Variants in RAB3GAP2 observed in about 807,000 individuals in gnomAD.
The protein encoded by RAB3GAP2 is RAB3 GTPase activating non-catalytic protein subunit 2, also known as rab3 GTPase-activating protein non-catalytic subunit.
Under a neutral mutation model 185.3 loss-of-function variants are expected in RAB3GAP2, and 87 were observed. That is an observed-to-expected ratio of 0.47 (90% CI 0.39 to 0.56). The LOEUF (loss-of-function observed/expected upper bound fraction) is 0.56. Ranked by LOEUF, RAB3GAP2 falls within the 20% of genes least tolerant of loss-of-function variation. The pLI, the probability that RAB3GAP2 is intolerant of heterozygous loss-of-function variation, is 0.00. For synonymous variants in RAB3GAP2, 554 were observed against 576.1 expected (o/e 0.96, Z 0.55); for missense variants, 1,492 against 1,638.2 (o/e 0.91, Z 1.54).
chr1:220,262,134 A>T (rs1220605373), intron 1 of RAB3GAP2, among the ~76,000 whole-genome samples: 6 of 42,580 alleles, frequency 1.4e-4, no homozygotes, highest in Non-Finnish European at 2.2e-4. Context: ...CTAAAAATAC[A>T]AAAAAAAAAA....
At chr1:220,151,864 G>A (rs780260637) in intron 33 of RAB3GAP2, 100 bp from the exon 34 acceptor site, 132 of 1,251,252 alleles carry the variant, frequency 1.1e-4, no homozygotes, top group Non-Finnish European at 1.4e-4. Context: ...GTTGATTTTT[G>A]AACTGTGGCC....
chr1:220,203,102 G>A (rs1280707903), intron 8 of RAB3GAP2, among the ~76,000 whole-genome samples: 1 of 152,182 alleles, frequency 6.6e-6, no homozygotes, highest in East Asian at 1.9e-4. Context: ...ACTTGGCAGA[G>A]CACACACACA....
At chr1:220,236,236 G>C (rs1659589177) in intron 1 of RAB3GAP2, among the ~76,000 whole-genome samples, 1 of 151,986 alleles carries the variant, frequency 6.6e-6, no homozygotes, top group Admixed American at 6.6e-5. Flanking sequence ...GAGTGCAGTG[G>C]TGCCATCTCG....
chr1:220,229,355 A>G (rs1659457945), intron 2 of RAB3GAP2, among the ~76,000 whole-genome samples: 1 of 152,208 alleles, frequency 6.6e-6, no homozygotes, highest in African/African-American at 2.4e-5. Flanking sequence ...AAATCAGATA[A>G]TGTGGTTTCT....
chr1:220,225,431 A>G (rs755515746), intron 2 of RAB3GAP2, among the ~76,000 whole-genome samples: 79 of 152,202 alleles, frequency 5.2e-4, no homozygotes, highest in Non-Finnish European at 9.8e-4. Flanking sequence ...AAGGTCTCTC[A>G]ATATCAGCGC....
At chr1:220,248,223 A>G (rs1659855934) in intron 1 of RAB3GAP2, among the ~76,000 whole-genome samples, 1 of 152,198 alleles carries the variant, frequency 6.6e-6, no homozygotes, top group South Asian at 2.1e-4. Flanking sequence ...AGAGAGTAGA[A>G]ATAAGATGTC....
At position 220,151,228 on chromosome 1, in the gene RAB3GAP2, A is replaced by G; in HGVS notation, c.*23T>C. On this transcript the variant is annotated 3_prime_UTR_variant, in exon 35 of 35. Transcript: ENST00000358951. Reference sequence around the variant, plus strand: ...TACTTCATGTTATAATCATAATTTTAGACTATTTCCAGTAGGTAAGTGTCA... The same window carrying G: ...TACTTCATGTTATAATCATAATTTTGGACTATTTCCAGTAGGTAAGTGTCA... The G allele has an allele frequency of 6.2e-7, 1 of 1,605,458 alleles. No homozygotes were observed. The highest frequency in any genetic ancestry group is 8.5e-7 in the Non-Finnish European group (1 of 1,172,826).
chr1:220,157,504 A>T lies in RAB3GAP2; in HGVS notation c.3337-16T>A. 1 of 1,609,312 alleles carries T rather than the reference A, an allele frequency of 6.2e-7. No homozygotes were observed. The highest frequency in any genetic ancestry group is 8.5e-7 in the Non-Finnish European group (1 of 1,176,874). Reference sequence around the variant, plus strand: ...TAACATCTGCCTAAGGGTTTTGAGAATGGAGGACTGTGTTCAGTAATGGAA... The same window carrying T: ...TAACATCTGCCTAAGGGTTTTGAGATTGGAGGACTGTGTTCAGTAATGGAA... On this transcript the variant is annotated splice_polypyrimidine_tract_variant and intron_variant, in intron 30 of 34. Coordinates refer to ENST00000358951, the MANE Select transcript of RAB3GAP2 (RefSeq NM_012414.4).
Position 220,151,104 on chromosome 1 carries a change from TAAA to T in RAB3GAP2, c.*144_*146del. The stretch of plus-strand genomic sequence containing the variant: ...GGAATTTAGCCAGGGTTGCACTTTT[TAAA>T]AGTTGTATATACTTTTATTTATTTT... On this transcript the variant is annotated 3_prime_UTR_variant, in exon 35 of 35. Transcript: ENST00000358951. 1.2e-6 allele frequency: 1 copy of T among 820,802 alleles called. No individual in the cohort carries two copies. The highest frequency in any genetic ancestry group is 1.9e-5 in the South Asian group (1 of 53,690). The allele number at this position is 820,802 out of a possible 1,614,324, so 50.8% of individuals were successfully genotyped here.
chr1:220,231,974 C>T (rs555126106), intron 2 of RAB3GAP2, among the ~76,000 whole-genome samples: 56 of 152,150 alleles, frequency 3.7e-4, no homozygotes, highest in African/African-American at 1.3e-3. Flanking sequence ...TCTATGTAAG[C>T]GAATAAATTT....
At chr1:220,243,174 G>A (rs1308827328) in intron 1 of RAB3GAP2, among the ~76,000 whole-genome samples, 1 of 152,018 alleles carries the variant, frequency 6.6e-6, no homozygotes. Context: ...CTAACATGGT[G>A]AAATCCCATC....
intron 1 of RAB3GAP2, among the ~76,000 whole-genome samples, chr1:220,264,172 C>A (rs908558972): frequency 6.6e-6 from 1 of 151,840 alleles, no homozygotes; most frequent in Admixed American, 6.6e-5. Context: ...GTACAAAACT[C>A]TCTCTGCAAA....
At chr1:220,196,782 G>C (rs932811422) in intron 9 of RAB3GAP2, among the ~76,000 whole-genome samples, 3 of 151,486 alleles carry the variant, frequency 2.0e-5, no homozygotes, top group Non-Finnish European at 4.4e-5. Context: ...AGTAAGCTGA[G>C]GTCACACCAA....
Position 220,158,441 on chromosome 1 carries a change from A to G in RAB3GAP2, c.3262-565T>C, listed in dbSNP as rs1344247842. Among the ~76,000 whole-genome samples the G allele has an allele frequency of 6.6e-6, 1 of 151,858 alleles. No homozygotes were observed. Among genetic ancestry groups the G allele is most frequent in the Non-Finnish European group, 1.5e-5 (1 of 67,936 alleles). On this transcript the variant is annotated intron_variant, in intron 29 of 34. Coordinates refer to ENST00000358951, the MANE Select transcript of RAB3GAP2 (RefSeq NM_012414.4). This position sits in a 1 kb window ranked among gnomAD's most constrained non-coding sequence, Gnocchi z 4.3. ...CCAAGGGACCACTGCATTTGTGTAT[A>G]ATCTTTTTTTTTTTTTGAGACAGAG...
intron 1 of RAB3GAP2, among the ~76,000 whole-genome samples, chr1:220,271,391 C>T (rs956616461): frequency 9.9e-5 from 15 of 152,100 alleles, no homozygotes; most frequent in African/African-American, 3.6e-4. Flanking sequence ...ACAAGGCACA[C>T]CCTTTCAAAA....
At chr1:220,197,169 G>A (rs1361805356) in intron 9 of RAB3GAP2, among the ~76,000 whole-genome samples, 2 of 151,930 alleles carry the variant, frequency 1.3e-5, no homozygotes, top group Non-Finnish European at 2.9e-5. Context: ...TGTATTTTTA[G>A]TAGAGACGAA....
At chr1:220,224,518 A>T (rs1211324886) in intron 2 of RAB3GAP2, among the ~76,000 whole-genome samples, 1 of 152,210 alleles carries the variant, frequency 6.6e-6, no homozygotes, top group Non-Finnish European at 1.5e-5. Flanking sequence ...ATTACATTAA[A>T]TAGAAAAAGC....
In RAB3GAP2 at chr1:220,172,005, A is replaced by G. The variant is rs778885650; in HGVS notation, c.2461T>C (p.Trp821Arg). 6.2e-7 allele frequency: 1 copy of G among 1,614,196 alleles called. No homozygotes were observed. Among genetic ancestry groups the G allele is most frequent in the East Asian group, 2.2e-5 (1 of 44,882 alleles). The change falls in exon 23 of 35, where the codon TGG becomes CGG. Residue 821 changes from tryptophan (W) to arginine (R), a missense_variant. This residue lies in a region of RAB3GAP2 where 681 missense variants were observed against 689.1 expected (regional missense o/e 0.99). Coordinates refer to ENST00000358951, the MANE Select transcript of RAB3GAP2 (RefSeq NM_012414.4). ...ATACAGGCTGTGCGCATCTGCTGCC[A>G]CCATGGGGACACAGACTGAGAATCC... is the stretch of plus-strand genomic sequence containing the variant. Reference protein sequence around the residue: ...TWDSQSVSPWWQQMRTACIQS... With the variant: ...TWDSQSVSPWRQQMRTACIQS...
chr1:220,258,543 A>C (rs6703091), intron 1 of RAB3GAP2, among the ~76,000 whole-genome samples: 1 of 152,156 alleles, frequency 6.6e-6, no homozygotes. Flanking sequence ...ACATCCCTTC[A>C]TGTTAAAAAC....
Sources: gnomAD v4.1 joint callset for allele counts (sites outside exome capture counted in the v4.1 genomes callset) on GRCh38, gnomAD v4.1.1 for gene constraint, gnomAD v4.1.1 regional missense constraint, Gnocchi (gnomAD v3.1) non-coding constraint, MANE v1.5 for transcripts, NCBI Gene and HGNC (gene_info 2026-07-23, HGNC 2026-07-21) for gene names.